Variants in SDK2 observed in about 807,000 individuals in gnomAD.
SDK2 encodes the protein sidekick cell adhesion molecule 2, also known as protein sidekick-2.
In SDK2, 105 loss-of-function variants were observed where a neutral mutation model predicts 253.9. That is an observed-to-expected ratio of 0.41 (90% CI 0.35 to 0.49). The LOEUF (loss-of-function observed/expected upper bound fraction) is 0.49. Ranked by LOEUF, SDK2 falls within the 20% of genes least tolerant of loss-of-function variation. The pLI, the probability that SDK2 is intolerant of heterozygous loss-of-function variation, is 0.06. For missense variants in SDK2, 2,608 were observed against 3,003.0 expected, an observed-to-expected ratio of 0.87 and a Z score of 3.07; for synonymous variants, 1,249 against 1,234.9, an observed-to-expected ratio of 1.01 and a Z score of -0.24.
At chr17:73,451,661 C>T (rs1477218667) in intron 4 of SDK2, among the ~76,000 whole-genome samples, 1 of 152,190 alleles carries the variant, frequency 6.6e-6, no homozygotes, top group Non-Finnish European at 1.5e-5. Context: ...GTCTTAAACA[C>T]AGAGTGGAAC....
chr17:73,603,450 C>T (rs1315899891), intron 1 of SDK2, among the ~76,000 whole-genome samples: 10 of 152,282 alleles, frequency 6.6e-5, no homozygotes, highest in African/African-American at 2.2e-4. Context: ...GTTGGAGAGA[C>T]GACTCTTTTC....
intron 1 of SDK2, among the ~76,000 whole-genome samples, chr17:73,515,415 C>T (rs2064017871): frequency 6.6e-6 from 1 of 152,200 alleles, no homozygotes; most frequent in Non-Finnish European, 1.5e-5. Flanking sequence ...TGTCACAGCC[C>T]CAGAGCCAGA....
intron 1 of SDK2, among the ~76,000 whole-genome samples, chr17:73,583,239 C>T (rs1212808687): frequency 2.6e-5 from 4 of 152,232 alleles, no homozygotes; most frequent in Non-Finnish European, 5.9e-5. Flanking sequence ...TCCCTGACAG[C>T]AGACCGTGGT....
chr17:73,386,412 TGAGA>T (rs1568376212), intron 31 of SDK2, 29 bp downstream of exon 31: 1 of 1,420,868 alleles, frequency 7.0e-7, no homozygotes, highest in South Asian at 1.2e-5. Flanking sequence ...GCCAGTGGGC[TGAGA>T]GAGAGACTGC....
At chr17:73,484,474 T>C (rs1844567841) in intron 2 of SDK2, among the ~76,000 whole-genome samples, 1 of 152,212 alleles carries the variant, frequency 6.6e-6, no homozygotes, top group South Asian at 2.1e-4. Flanking sequence ...GAGAAGCCTC[T>C]TCCCTCACAG....
Position 73,643,986 on chromosome 17 carries a change from C to CCA in SDK2, c.64+38_64+39insTG. On this transcript the variant is annotated intron_variant, in intron 1 of 44. Transcript: ENST00000392650. This position sits in a 1 kb window ranked among gnomAD's most constrained non-coding sequence, Gnocchi z 6.9. Reference sequence around the variant, plus strand: ...GCCGCCCCTCCCCCGCCCACTCTCCCAGCCCCCTCCCTGTCCCCACGTGGG... The same window carrying CCA: ...GCCGCCCCTCCCCCGCCCACTCTCCCCAAGCCCCCTCCCTGTCCCCACGTGGG... The CCA allele has an allele frequency of 3.4e-6, 5 of 1,470,394 alleles. No individual in the cohort carries two copies. Among genetic ancestry groups the CCA allele is most frequent in the East Asian group, 2.5e-5 (1 of 40,184 alleles). The allele number at this position is 1,470,394 out of a possible 1,614,324, so 91.1% of individuals were successfully genotyped here.
In SDK2 at chr17:73,495,619, CGTGTGTGTGT is replaced by C. The variant is rs60091992; in HGVS notation, c.224+11809_224+11818del. 8.8e-4 allele frequency among the ~76,000 whole-genome samples: 131 copies of C among 148,532 alleles called. 4 individuals carry two copies. The South Asian group carries it at 0.027, about 30-fold the overall frequency. On this transcript the variant is annotated intron_variant, in intron 2 of 44. Transcript: ENST00000392650. The stretch of plus-strand genomic sequence containing the variant: ...GCTGTTGGATATTGGAGGCCTGCCC[CGTGTGTGTGT>C]GTGTGTGTGTGTGTGTTTGTTTGTG...
chr17:73,629,596 A>G lies in SDK2; in HGVS notation c.64+14429T>C, dbSNP rs766997076. On this transcript the variant is annotated intron_variant, in intron 1 of 44. Transcript: ENST00000392650. This position sits in a 1 kb window ranked among gnomAD's most constrained non-coding sequence, Gnocchi z 5.0. ...AAGACGGGGGCCCCTCCCATCCTAC[A>G]AGACTCAGCTTCTATGTTACCTCCT... is the stretch of plus-strand genomic sequence containing the variant. 2.0e-5 allele frequency among the ~76,000 whole-genome samples: 3 copies of G among 152,092 alleles called. No homozygotes were observed. The highest frequency in any genetic ancestry group is 4.8e-5 in the African/African-American group (2 of 41,418).
intron 2 of SDK2, among the ~76,000 whole-genome samples, chr17:73,497,601 G>C (rs2063852877): frequency 1.3e-5 from 2 of 151,708 alleles, no homozygotes; most frequent in Admixed American, 1.3e-4. Flanking sequence ...TGCATGGCCA[G>C]CAGAGCCTCA....
At chr17:73,483,351 T>C (rs2063739132) in intron 2 of SDK2, among the ~76,000 whole-genome samples, 1 of 143,824 alleles carries the variant, frequency 7.0e-6, no homozygotes, top group African/African-American at 2.6e-5. Context: ...CTCATCCTTT[T>C]GCTCAGGCTA....
chr17:73,417,784 A>G (rs1349897587), intron 16 of SDK2, among the ~76,000 whole-genome samples: 3 of 151,822 alleles, frequency 2.0e-5, no homozygotes, highest in African/African-American at 7.3e-5. Flanking sequence ...ACCCATTTCT[A>G]CCTCCACTGG....
chr17:73,553,435 G>A lies in SDK2; in HGVS notation c.65-45838C>T, dbSNP rs534513170. On this transcript the variant is annotated intron_variant, in intron 1 of 44. Coordinates refer to ENST00000392650, the MANE Select transcript of SDK2 (RefSeq NM_001144952.2). ...ACTGAGGCCTCAAGAGATCAAACAA[G>A]TCCTGCCCAAAGTCACTGGGCCAGT... is the stretch of plus-strand genomic sequence containing the variant. Among the ~76,000 whole-genome samples, 5 of 152,272 alleles carry A rather than the reference G, an allele frequency of 3.3e-5. No individual in the cohort carries two copies. The South Asian group carries it at 1.0e-3, about 32-fold the overall frequency.
intron 43 of SDK2, among the ~76,000 whole-genome samples, chr17:73,349,648 C>T (rs1015051010): frequency 3.9e-5 from 6 of 152,186 alleles, no homozygotes; most frequent in Non-Finnish European, 8.8e-5. Flanking sequence ...CGAGCCTTGT[C>T]CTGTCCTCAT....
At chr17:73,636,000 G>C (rs540548572) in intron 1 of SDK2, among the ~76,000 whole-genome samples, 10 of 152,260 alleles carry the variant, frequency 6.6e-5, no homozygotes, top group African/African-American at 2.2e-4. Context: ...GAGTTCCAAG[G>C]CCTCTTTCCA....
chr17:73,417,364 CCA>C (rs1288785673), intron 16 of SDK2, among the ~76,000 whole-genome samples: 3 of 151,344 alleles, frequency 2.0e-5, no homozygotes, highest in African/African-American at 7.3e-5. Context: ...TGAGAGTACG[CCA>C]CTGCACTCCA....
chr17:73,357,758 G>T, intron 40 of SDK2: 1 of 422,118 alleles, frequency 2.4e-6, no homozygotes. Flanking sequence ...CAGTGGGGTC[G>T]TGTGGAGGAT....
chr17:73,383,759 G>C lies in SDK2; in HGVS notation c.4705+117C>G. 1.6e-6 allele frequency: 2 copies of C among 1,250,806 alleles called. No homozygotes were observed. Among genetic ancestry groups the C allele is most frequent in the Non-Finnish European group, 2.3e-6 (2 of 881,360 alleles). 77.5% of individuals were successfully genotyped at this position (1,250,806 alleles called of 1,614,324 possible). A position where few individuals can be genotyped will look rare whatever the true frequency, so the allele number is the denominator to read the frequency against. On this transcript the variant is annotated intron_variant, in intron 33 of 44. Coordinates refer to ENST00000392650, the MANE Select transcript of SDK2 (RefSeq NM_001144952.2). The surrounding 1 kb of genome is among the most constrained non-coding windows in gnomAD (Gnocchi z 4.3). ...GGGAGGAGGGAGAGGCACACATGGA[G>C]GAGGGAGGCAAGGTTTCAGGTTAGA...
chr17:73,414,495 CTT>C, intron 18 of SDK2, 147 bp downstream of exon 18: 1 of 639,180 alleles, frequency 1.6e-6, no homozygotes, highest in Non-Finnish European at 2.8e-6. Flanking sequence ...GCCTGGAACT[CTT>C]TTCCTCTAAT....
chr17:73,356,333 C>T (rs951934593), intron 40 of SDK2, among the ~76,000 whole-genome samples: 7 of 152,152 alleles, frequency 4.6e-5, no homozygotes, highest in Non-Finnish European at 7.3e-5. Flanking sequence ...CTGAGTCAAC[C>T]GGGCCAGGCC....
Sources: allele counts gnomAD v4.1 joint callset (sites outside exome capture counted in the v4.1 genomes callset), GRCh38; gene constraint gnomAD v4.1.1; non-coding constraint Gnocchi (gnomAD v3.1); transcripts MANE v1.5; gene names NCBI Gene and HGNC (gene_info 2026-07-23, HGNC 2026-07-21).